The following CCNY variants were observed in gnomAD, a reference collection of about 807,000 sequenced individuals.
CCNY encodes the protein cyclin-Y.
CCNY carries 19 observed loss-of-function variants against 42.8 expected under a neutral mutation model. The ratio of observed to expected loss-of-function variants is 0.44; its 90% CI spans 0.31 to 0.65. The LOEUF is 0.65. Among genes scored for constraint, CCNY ranks in the 30% least tolerant of loss-of-function variants. The pLI, the probability that CCNY is intolerant of heterozygous loss-of-function variation, is 0.07. For missense variants in CCNY, 370 were observed against 437.3 expected (o/e 0.85, Z 1.37); for synonymous variants, 165 against 162.7 (o/e 1.01, Z -0.11).
In CCNY at chr10:35,517,596, T is replaced by C. The variant is rs116218368; in HGVS notation, c.365+973T>C. 2.4e-3 allele frequency among the ~76,000 whole-genome samples: 360 copies of C among 152,322 alleles called. 2 individuals carry two copies. Among genetic ancestry groups the C allele is most frequent in the African/African-American group, 8.2e-3 (342 of 41,572 alleles). On this transcript the variant is annotated intron_variant, in intron 4 of 9. Transcript: ENST00000374704. The stretch of plus-strand genomic sequence containing the variant: ...CAGTGAGGACTATAGCCATCTGTAG[T>C]CAGTGTCTGCTCTAGGCAGAAGGTG...
intron 3 of CCNY, among the ~76,000 whole-genome samples, chr10:35,515,740 G>T (rs950883448): frequency 6.6e-6 from 1 of 152,132 alleles, no homozygotes; most frequent in Non-Finnish European, 1.5e-5. Flanking sequence ...CATATTGCCC[G>T]ATTGTTGCCA....
At chr10:35,415,178 G>A (rs1486737074) in intron 1 of CCNY, among the ~76,000 whole-genome samples, 1 of 152,154 alleles carries the variant, frequency 6.6e-6, no homozygotes, top group Non-Finnish European at 1.5e-5. Flanking sequence ...GATGGAGCCT[G>A]GCCCTAAGGG....
intron 1 of CCNY, among the ~76,000 whole-genome samples, chr10:35,390,968 A>G (rs1837400760): frequency 6.6e-6 from 1 of 152,224 alleles, no homozygotes; most frequent in Non-Finnish European, 1.5e-5. Context: ...CAGTTGAAAT[A>G]TTCTTAAAGT....
At chr10:35,422,691 G>T (rs1034739328) in intron 1 of CCNY, among the ~76,000 whole-genome samples, 9 of 152,132 alleles carry the variant, frequency 5.9e-5, no homozygotes, top group Non-Finnish European at 1.0e-4. Flanking sequence ...TTCCATTAGA[G>T]ATTTATTTAT....
At chr10:35,249,268 T>A (rs936074283) in intron 2 of CCNY, among the ~76,000 whole-genome samples, 1 of 152,196 alleles carries the variant, frequency 6.6e-6, no homozygotes, top group African/African-American at 2.4e-5. Context: ...TGCCTTATAT[T>A]GAGACTAATG....
At chr10:35,459,205 C>T (rs933045470) in intron 1 of CCNY, among the ~76,000 whole-genome samples, 3 of 152,076 alleles carry the variant, frequency 2.0e-5, no homozygotes, top group African/African-American at 4.8e-5. Flanking sequence ...GCAGATACAC[C>T]GTGAGAGGCA....
At chr10:35,365,617 A>G (rs2135164143) in intron 1 of CCNY, among the ~76,000 whole-genome samples, 1 of 152,274 alleles carries the variant, frequency 6.6e-6, no homozygotes, top group Non-Finnish European at 1.5e-5. Context: ...TTTCCATTTA[A>G]TCTTTGTATG....
In CCNY at chr10:35,328,803, C is replaced by T. The variant is rs1835907730; in HGVS notation, c.-9+78177C>T. On this transcript the variant is annotated intron_variant, in intron 3 of 11. Coordinates refer to the CCNY transcript ENST00000374706. The stretch of plus-strand genomic sequence containing the variant: ...TATGCAAAGCTTTATTTTGGTCTAC[C>T]ACAGGGAAACTGAGATTGAGACAAT... Among the ~76,000 whole-genome samples the T allele has an allele frequency of 2.0e-5, 3 of 152,170 alleles. No homozygotes were observed. In the South Asian group the frequency reaches 6.2e-4, roughly 31 times the overall value.
At chr10:35,327,311 C>G (rs1241686866) in intron 3 of CCNY, among the ~76,000 whole-genome samples, 1 of 152,114 alleles carries the variant, frequency 6.6e-6, no homozygotes, top group East Asian at 1.9e-4. Flanking sequence ...GGCTTTCTTT[C>G]TATAACAATA....
Position 35,347,363 on chromosome 10 carries a change from C to T in CCNY, c.154+10156C>T, listed in dbSNP as rs1340637499. Reference sequence around the variant, plus strand: ...TTGCTTTGTGAGCTTTGCAGAAATCCCAGTTGGGTGGTGAAATGCAAGTCA... The same window carrying T: ...TTGCTTTGTGAGCTTTGCAGAAATCTCAGTTGGGTGGTGAAATGCAAGTCA... On this transcript the variant is annotated intron_variant, in intron 1 of 9. Transcript: ENST00000374704. 2.3e-5 allele frequency: 17 copies of T among 737,166 alleles called. No individual in the cohort carries two copies. The Admixed American group carries it at 8.8e-4, about 38-fold the overall frequency. The allele number at this position is 737,166 out of a possible 1,614,324, so 45.7% of individuals were successfully genotyped here. A position where few individuals can be genotyped will look rare whatever the true frequency, so the allele number is the denominator to read the frequency against.
rs186140283 is a variant in CCNY, at chr10:35,287,907, C to T, written c.-9+37281C>T. 1.6e-3 allele frequency among the ~76,000 whole-genome samples: 236 copies of T among 152,090 alleles called. 2 individuals are homozygous for T. The highest frequency in any genetic ancestry group is 5.3e-3 in the African/African-American group (220 of 41,484). ...CTGACCTCAAGTGATCCAGCCACCT[C>T]GGCCTCCCAAAGTGGAAAAAAAAAG... On this transcript the variant is annotated intron_variant, in intron 3 of 11. Coordinates refer to the CCNY transcript ENST00000374706.
At chr10:35,469,908 GTGGAGAGACAGACAGGGAGATAGGGCAA>G (rs1839353407) in intron 1 of CCNY, among the ~76,000 whole-genome samples, 1 of 130,470 alleles carries the variant, frequency 7.7e-6, no homozygotes, top group African/African-American at 2.9e-5. Flanking sequence ...AGACAGGGAG[GTGGAGAGACAGACAGGGAGATAGGGCAA>G]TGGAGAGACA....
intron 3 of CCNY, among the ~76,000 whole-genome samples, chr10:35,303,368 C>T (rs1251773327): frequency 5.3e-5 from 8 of 151,530 alleles, no homozygotes; most frequent in South Asian, 4.2e-4. Context: ...TCAGTAGAGA[C>T]GGGGTTTCTC....
intron 3 of CCNY, among the ~76,000 whole-genome samples, chr10:35,512,714 A>G (rs1024777057): frequency 2.6e-5 from 4 of 152,138 alleles, no homozygotes; most frequent in African/African-American, 4.8e-5. Context: ...CCGATTTGCC[A>G]AGAAAGAGGC....
At chr10:35,369,254 C>G (rs577513855) in intron 1 of CCNY, among the ~76,000 whole-genome samples, 1 of 152,300 alleles carries the variant, frequency 6.6e-6, no homozygotes, top group African/African-American at 2.4e-5. Context: ...AGGAACAGAG[C>G]AGGATGGTGA....
At chr10:35,340,345 A>G (rs535718296) in intron 1 of CCNY, among the ~76,000 whole-genome samples, 14 of 152,230 alleles carry the variant, frequency 9.2e-5, no homozygotes, top group Non-Finnish European at 1.5e-4. Context: ...TTCAGTCCAG[A>G]CTTCCAGGAT....
intron 2 of CCNY, among the ~76,000 whole-genome samples, chr10:35,494,839 A>G (rs981807650): frequency 6.6e-6 from 1 of 152,218 alleles, no homozygotes; most frequent in African/African-American, 2.4e-5. Flanking sequence ...TGCTTTGTAT[A>G]TATGCGCACA....
chr10:35,404,049 A>T (rs1837703829), intron 1 of CCNY, among the ~76,000 whole-genome samples: 1 of 152,272 alleles, frequency 6.6e-6, no homozygotes. Flanking sequence ...TAAGTGTGGG[A>T]GACTCAACAA....
chr10:35,459,150 T>C (rs1210701067), intron 1 of CCNY, among the ~76,000 whole-genome samples: 3 of 152,228 alleles, frequency 2.0e-5, no homozygotes, highest in Admixed American at 1.3e-4. Flanking sequence ...TAAAAATAGA[T>C]GGAAATCTGT....
Sources: gnomAD v4.1 joint callset for allele counts (sites outside exome capture counted in the v4.1 genomes callset) on GRCh38, gnomAD v4.1.1 for gene constraint, MANE v1.5 for transcripts, NCBI Gene and HGNC (gene_info 2026-07-23, HGNC 2026-07-21) for gene names.